Variants in CNTFR observed in about 807,000 individuals in gnomAD.
CNTFR encodes ciliary neurotrophic factor receptor, also known as ciliary neurotrophic factor receptor subunit alpha.
Under a neutral mutation model 40.4 loss-of-function variants are expected in CNTFR, and 12 were observed. The observed-to-expected ratio is 0.30, with a 90% CI of 0.19 to 0.48. The LOEUF is 0.48. Among genes scored for constraint, CNTFR ranks in the 20% least tolerant of loss-of-function variants. The probability of loss-of-function intolerance (pLI) is 0.99; values close to 1 mark genes in which losing one functional copy is unlikely to be tolerated. For missense variants in CNTFR, 414 were observed against 506.8 expected (o/e 0.82, Z 1.76); for synonymous variants, 202 against 209.6 (o/e 0.96, Z 0.31).
At chr9:34,569,028 C>T in intron 2 of CNTFR, 47 bp from the exon 3 acceptor site, 1 of 1,502,528 alleles carries the variant, frequency 6.7e-7, no homozygotes, top group Non-Finnish European at 9.1e-7. Flanking sequence ...TCAGCCCAGG[C>T]AGGACTGTCC....
At chr9:34,585,773 C>T (rs1490642542) in intron 1 of CNTFR, among the ~76,000 whole-genome samples, 1 of 152,214 alleles carries the variant, frequency 6.6e-6, no homozygotes, top group African/African-American at 2.4e-5. Context: ...CCACTACCCC[C>T]ACCCAATGGT....
chr9:34,568,361 C>T (rs1826407480), intron 3 of CNTFR, among the ~76,000 whole-genome samples: 1 of 152,166 alleles, frequency 6.6e-6, no homozygotes, highest in Non-Finnish European at 1.5e-5. Context: ...CTGAGCTGTC[C>T]CTCCCCCGTG....
chr9:34,557,211 G>C lies in CNTFR; in HGVS notation c.604+315C>G, dbSNP rs1373106553. On this transcript the variant is annotated intron_variant, in intron 6 of 9. Transcript: ENST00000378980. The surrounding 1 kb of genome is among the most constrained non-coding windows in gnomAD (Gnocchi z 4.2). The stretch of plus-strand genomic sequence containing the variant: ...TAGAGTTGGGGGGGGGTGCGGTGGA[G>C]GCTGCAGCTGCACAAGGGTCTGGCC... Among the ~76,000 whole-genome samples, 7 of 151,840 alleles carry C rather than the reference G, an allele frequency of 4.6e-5. No individual in the cohort carries two copies. In the South Asian group the frequency reaches 1.5e-3, roughly 32 times the overall value.
chr9:34,569,068 C>T, intron 2 of CNTFR, 87 bp from the exon 3 acceptor site: 1 of 1,293,552 alleles, frequency 7.7e-7, no homozygotes, highest in South Asian at 1.3e-5. Context: ...TCAGGCAAGA[C>T]TGGGAAATCC....
At chr9:34,572,545 CCT>C (rs1316133442) in intron 2 of CNTFR, among the ~76,000 whole-genome samples, 2 of 152,170 alleles carry the variant, frequency 1.3e-5, no homozygotes, top group African/African-American at 4.8e-5. Context: ...CCCAAAAGCC[CCT>C]GAGCCCCTTG....
rs370200098 is a variant in CNTFR at position 34,552,866 on chromosome 9, C to A, written c.769-12G>T. On this transcript the variant is annotated splice_polypyrimidine_tract_variant and intron_variant, in intron 7 of 9. Transcript: ENST00000378980. The surrounding 1 kb of genome is among the most constrained non-coding windows in gnomAD (Gnocchi z 5.1). ...TCGGACAGCTCCACCTGCAGCCAGA[C>A]CATGGGGTGGGGGTAAGGACACACC... 1 of 1,607,666 alleles carries A rather than the reference C, an allele frequency of 6.2e-7. No individual in the cohort carries two copies. Among genetic ancestry groups the A allele is most frequent in the Admixed American group, 1.7e-5 (1 of 59,672 alleles).
intron 4 of CNTFR, 80 bp downstream of exon 4, chr9:34,564,519 G>T: frequency 7.7e-7 from 1 of 1,304,302 alleles, no homozygotes; most frequent in Non-Finnish European, 1.1e-6. Flanking sequence ...CCCCCTAACA[G>T]GAAGGGGACT....
chr9:34,559,837 G>A (rs1382365497), intron 4 of CNTFR, among the ~76,000 whole-genome samples: 1 of 152,154 alleles, frequency 6.6e-6, no homozygotes, highest in African/African-American at 2.4e-5. Flanking sequence ...GCGGGCCACG[G>A]CACTGTACTC....
At chr9:34,566,664 T>C (rs898531101) in intron 3 of CNTFR, among the ~76,000 whole-genome samples, 2 of 152,140 alleles carry the variant, frequency 1.3e-5, no homozygotes, top group East Asian at 3.9e-4. Context: ...AAACTGACCT[T>C]TGGGGAGGGG....
chr9:34,557,884 G>A lies in CNTFR; in HGVS notation c.420C>T (p.Thr140=). 1 of 1,570,140 alleles carries A rather than the reference G, an allele frequency of 6.4e-7. No individual in the cohort carries two copies. Among genetic ancestry groups the A allele is most frequent in the Non-Finnish European group, 8.6e-7 (1 of 1,156,842 alleles). The stretch of plus-strand genomic sequence containing the variant: ...CTACTCACAGCACAGTCACATTGAA[G>A]GTGTTGGGAATGTAGGTGGGGGTGG... ...HLPTPTYIPN[T]FNVTVLHGSK... Residue 140 remains threonine, a synonymous_variant, in exon 5 of 10, where the codon ACC becomes ACT. Coordinates refer to ENST00000378980, the MANE Select transcript of CNTFR (RefSeq NM_147164.3). The surrounding 1 kb of genome is among the most constrained non-coding windows in gnomAD (Gnocchi z 4.2).
intron 1 of CNTFR, among the ~76,000 whole-genome samples, chr9:34,586,844 C>T (rs1827568226): frequency 6.6e-6 from 1 of 152,206 alleles, no homozygotes; most frequent in Admixed American, 6.5e-5. Context: ...CTCTCCTCCT[C>T]ACCTTTGGAG....
At chr9:34,573,014 A>G (rs984308127) in intron 2 of CNTFR, among the ~76,000 whole-genome samples, 2 of 152,224 alleles carry the variant, frequency 1.3e-5, no homozygotes, top group Admixed American at 6.5e-5. Flanking sequence ...GCAGCCCTGA[A>G]GTCTGACAGC....
At chr9:34,582,087 A>T (rs1827318020) in intron 1 of CNTFR, among the ~76,000 whole-genome samples, 1 of 152,130 alleles carries the variant, frequency 6.6e-6, no homozygotes, top group African/African-American at 2.4e-5. Flanking sequence ...TAGCCTGGGC[A>T]ACATAGTGAA....
Position 34,577,155 on chromosome 9 carries a change from C to T in CNTFR, c.-1+3940G>A, listed in dbSNP as rs181595072. Among the ~76,000 whole-genome samples the T allele has an allele frequency of 3.4e-3, 525 of 152,320 alleles. 3 individuals carry two copies. Among genetic ancestry groups the T allele is most frequent in the South Asian group, 0.01 (49 of 4,826 alleles). On this transcript the variant is annotated intron_variant, in intron 2 of 9. Transcript: ENST00000378980. ...GCCCCCATCACTGGAGGAGTAGACG[C>T]GGAGTCGCTGTCCAGTCAGAATGGA...
Position 34,551,648 on chromosome 9 carries a change from A to G in CNTFR, c.*423T>C. On this transcript the variant is annotated 3_prime_UTR_variant, in exon 10 of 10. Coordinates refer to ENST00000378980, the MANE Select transcript of CNTFR (RefSeq NM_147164.3). ...AATTGTGGGTGCTGGGGGGAGGGGG[A>G]TGGCTGGGCCCCCCCAGCATCAGGA... 9.6e-6 allele frequency: 3 copies of G among 312,866 alleles called. No homozygotes were observed. The highest frequency in any genetic ancestry group is 2.2e-5 in the African/African-American group (1 of 45,352). 19.4% of individuals were successfully genotyped at this position (312,866 alleles called of 1,614,324 possible).
intron 3 of CNTFR, among the ~76,000 whole-genome samples, chr9:34,567,494 C>T (rs1220433763): frequency 6.6e-6 from 1 of 152,174 alleles, no homozygotes; most frequent in Non-Finnish European, 1.5e-5. Flanking sequence ...CACAAGTTCA[C>T]AGTCACACAG....
intron 4 of CNTFR, among the ~76,000 whole-genome samples, chr9:34,559,649 A>C (rs1485657204): frequency 6.6e-6 from 1 of 151,542 alleles, no homozygotes; most frequent in African/African-American, 2.4e-5. Flanking sequence ...AGGACACAGG[A>C]AGTGCCTTCT....
intron 2 of CNTFR, among the ~76,000 whole-genome samples, chr9:34,580,412 G>T (rs1030422265): frequency 2.0e-5 from 3 of 152,026 alleles, no homozygotes; most frequent in African/African-American, 7.3e-5. Flanking sequence ...TCAGCCTGGG[G>T]TACCCCACTC....
chr9:34,587,299 G>A (rs1201416024), intron 1 of CNTFR, among the ~76,000 whole-genome samples: 1 of 152,206 alleles, frequency 6.6e-6, no homozygotes, highest in Non-Finnish European at 1.5e-5. Context: ...GAGTCCTAGT[G>A]TGAGCACTGG....
Sources: allele counts gnomAD v4.1 joint callset (sites outside exome capture counted in the v4.1 genomes callset), GRCh38; gene constraint gnomAD v4.1.1; non-coding constraint Gnocchi (gnomAD v3.1); transcripts MANE v1.5; gene names NCBI Gene and HGNC (gene_info 2026-07-23, HGNC 2026-07-21).